CUX2: variants seen among roughly 807,000 people sequenced by gnomAD.
CUX2 encodes homeobox protein cut-like 2.
CUX2 carries 40 observed loss-of-function variants against 144.8 expected under a neutral mutation model. The ratio of observed to expected loss-of-function variants is 0.28; its 90% CI spans 0.21 to 0.36. The LOEUF (loss-of-function observed/expected upper bound fraction) is 0.36. CUX2 is among the 10% of genes least tolerant of loss of function. The probability of loss-of-function intolerance (pLI) is 1.00; values close to 1 mark genes in which losing one functional copy is unlikely to be tolerated. For missense variants in CUX2, 1,615 were observed against 1,994.0 expected (o/e 0.81, Z 3.62); for synonymous variants, 827 against 875.6 (o/e 0.94, Z 0.98).
intron 2 of CUX2, 148 bp downstream of exon 2, chr12:111,214,458 C>T (rs1453936238): frequency 9.2e-6 from 5 of 543,898 alleles, no homozygotes; most frequent in Non-Finnish European, 1.6e-5. Flanking sequence ...CCTAACCTTT[C>T]GGGGTTTCTT....
At chr12:111,221,609 C>T (rs749940359) in intron 3 of CUX2, among the ~76,000 whole-genome samples, 5 of 152,104 alleles carry the variant, frequency 3.3e-5, no homozygotes, top group Admixed American at 1.3e-4. Context: ...CCAGTGCAGG[C>T]CTTTCCTTGA....
At chr12:111,258,379 A>G (rs570405707) in intron 3 of CUX2, among the ~76,000 whole-genome samples, 1 of 152,228 alleles carries the variant, frequency 6.6e-6, no homozygotes, top group East Asian at 1.9e-4. Context: ...CAGGCGTGGT[A>G]GTGCATGCCT....
At chr12:111,099,929 G>A (rs1469323069) in intron 1 of CUX2, 1 of 457,038 alleles carries the variant, frequency 2.2e-6, no homozygotes, top group Non-Finnish European at 4.4e-6. Flanking sequence ...GTTTATTGCA[G>A]AGCAGAACCT....
chr12:111,337,978 G>C (rs1224277260), intron 19 of CUX2, among the ~76,000 whole-genome samples: 4 of 151,982 alleles, frequency 2.6e-5, no homozygotes, highest in African/African-American at 7.3e-5. Context: ...GAGGCTGCAG[G>C]GAGCCAAGAT....
Position 111,174,610 on chromosome 12 carries a change from G to A in CUX2, c.64-39590G>A, listed in dbSNP as rs968981724. 6.6e-5 allele frequency among the ~76,000 whole-genome samples: 10 copies of A among 152,340 alleles called. No homozygotes were observed. In the East Asian group the frequency reaches 1.4e-3, roughly 21 times the overall value. On this transcript the variant is annotated intron_variant, in intron 1 of 21. Transcript: ENST00000261726. ...TACCCTGCAGGAAAGGTGGAGTTGT[G>A]CCCATTTTGCAGAGGGGGAAAACTG...
chr12:111,229,590 T>C (rs1047742425), intron 3 of CUX2, among the ~76,000 whole-genome samples: 2 of 152,086 alleles, frequency 1.3e-5, no homozygotes, highest in African/African-American at 4.8e-5. Context: ...GAAGAACCAA[T>C]GTGATCACCC....
At position 111,178,268 on chromosome 12, in the gene CUX2, A is replaced by C. The variant is rs1349432259; in HGVS notation, c.64-35932A>C. ...CCAGTGTAATAAATCTTGCCCCGAA[A>C]TCTCGGCAGCACATCTTGGCTGGAG... is the stretch of plus-strand genomic sequence containing the variant. On this transcript the variant is annotated intron_variant, in intron 1 of 21. Coordinates refer to ENST00000261726, the MANE Select transcript of CUX2 (RefSeq NM_015267.4). This position sits in a 1 kb window ranked among gnomAD's most constrained non-coding sequence, Gnocchi z 5.7. Among the ~76,000 whole-genome samples, 2 of 152,254 alleles carry C rather than the reference A, an allele frequency of 1.3e-5. No individual in the cohort carries two copies. The highest frequency in any genetic ancestry group is 6.5e-5 in the Admixed American group (1 of 15,292).
At chr12:111,210,477 T>C (rs1437571718) in intron 1 of CUX2, among the ~76,000 whole-genome samples, 1 of 152,170 alleles carries the variant, frequency 6.6e-6, no homozygotes, top group African/African-American at 2.4e-5. Context: ...TTCTTAGCTG[T>C]CAGTTTATCT....
intron 1 of CUX2, among the ~76,000 whole-genome samples, chr12:111,211,865 C>A (rs61943053): frequency 6.8e-6 from 1 of 146,696 alleles, no homozygotes; most frequent in Non-Finnish European, 1.5e-5. Context: ...CCAGCCTGGG[C>A]GACAGAGTGA....
intron 1 of CUX2, among the ~76,000 whole-genome samples, chr12:111,141,521 G>A (rs1876316730): frequency 6.6e-6 from 1 of 152,144 alleles, no homozygotes; most frequent in Non-Finnish European, 1.5e-5. Flanking sequence ...AAGCACCTAA[G>A]AACAGCCCCA....
At chr12:111,047,844 A>T (rs1181824985) in intron 1 of CUX2, among the ~76,000 whole-genome samples, 22 of 152,206 alleles carry the variant, frequency 1.4e-4, no homozygotes, top group Non-Finnish European at 2.8e-4. Flanking sequence ...AATCACATGG[A>T]GGGGCCGCCT....
chr12:111,299,419 G>A (rs116624855), intron 9 of CUX2, among the ~76,000 whole-genome samples: 2,285 of 152,288 alleles, frequency 0.015, 62 homozygotes, highest in African/African-American at 0.053. Context: ...CGCAGGGTGG[G>A]GGCACTCCCT....
chr12:111,298,497 G>A, intron 8 of CUX2, 44 bp from the exon 9 acceptor site: 4 of 1,548,094 alleles, frequency 2.6e-6, no homozygotes, highest in Non-Finnish European at 3.5e-6. Flanking sequence ...GGGGCCTGGA[G>A]CCCGCCGGAA....
chr12:111,329,542 G>A (rs1887995985), intron 18 of CUX2, among the ~76,000 whole-genome samples: 2 of 152,140 alleles, frequency 1.3e-5, no homozygotes, highest in African/African-American at 2.4e-5. Flanking sequence ...CATCCTGTTC[G>A]CTTCGCTTCT....
intron 1 of CUX2, among the ~76,000 whole-genome samples, chr12:111,184,597 AAAC>A (rs1210799889): frequency 2.3e-4 from 34 of 149,944 alleles, no homozygotes; most frequent in African/African-American, 8.5e-4. Flanking sequence ...AAAAAAAAAA[AAAC>A]AGAAAAATTA....
intron 1 of CUX2, among the ~76,000 whole-genome samples, chr12:111,173,164 C>T (rs1878648857): frequency 6.6e-6 from 1 of 152,202 alleles, no homozygotes; most frequent in Non-Finnish European, 1.5e-5. Context: ...AGGCTTAGAC[C>T]CTGAGCTGGG....
intron 1 of CUX2, among the ~76,000 whole-genome samples, chr12:111,166,021 G>T (rs73415912): frequency 0.17 from 25,915 of 151,870 alleles, 2,608 homozygotes; most frequent in East Asian, 0.51. Context: ...ACTCTTTTTT[G>T]TTGTTGTTGT....
chr12:111,226,784 G>A (rs1882170163), intron 3 of CUX2, among the ~76,000 whole-genome samples: 1 of 152,226 alleles, frequency 6.6e-6, no homozygotes, highest in Non-Finnish European at 1.5e-5. Context: ...GGGCCGGGCT[G>A]GGAAGAGTGA....
intron 4 of CUX2, among the ~76,000 whole-genome samples, chr12:111,270,048 A>G (rs950811637): frequency 6.6e-6 from 1 of 152,218 alleles, no homozygotes; most frequent in Admixed American, 6.5e-5. Flanking sequence ...AATTAGGAAG[A>G]CATATTTTTG....
Sources: allele counts gnomAD v4.1 joint callset (sites outside exome capture counted in the v4.1 genomes callset), GRCh38; gene constraint gnomAD v4.1.1; non-coding constraint Gnocchi (gnomAD v3.1); transcripts MANE v1.5; gene names NCBI Gene and HGNC (gene_info 2026-07-23, HGNC 2026-07-21).